Variants in GABRA3 observed in about 807,000 individuals in gnomAD.
GABRA3 encodes the protein gamma-aminobutyric acid type A receptor subunit alpha3, also known as gamma-aminobutyric acid receptor subunit alpha-3.
In GABRA3, 10 loss-of-function variants were observed where a neutral mutation model predicts 30.1. That is an observed-to-expected ratio of 0.33 (90% CI 0.20 to 0.56). The LOEUF (loss-of-function observed/expected upper bound fraction) is 0.56, where lower values mean the gene tolerates loss of function less well. GABRA3 is among the 20% of genes least tolerant of loss of function. The pLI, the probability that GABRA3 is intolerant of heterozygous loss-of-function variation, is 0.89. For synonymous variants in GABRA3, 151 were observed against 146.8 expected, an observed-to-expected ratio of 1.03 and a Z score of -0.21; for missense variants, 233 against 392.0, an observed-to-expected ratio of 0.59 and a Z score of 3.42.
At position 152,386,484 on chromosome X, in the gene GABRA3, G is replaced by A. The variant is rs1329437226; in HGVS notation, c.-26-21888C>T. Reference sequence around the variant, plus strand: ...CAAACAACCCCATCAAAAAGTGGGCGAAGGACATGAACAGACACTTTCAAA... The same window carrying A: ...CAAACAACCCCATCAAAAAGTGGGCAAAGGACATGAACAGACACTTTCAAA... On this transcript the variant is annotated intron_variant, in intron 1 of 9. Transcript: ENST00000370314. 6.1e-4 allele frequency among the ~76,000 whole-genome samples: 67 copies of A among 110,619 alleles called. 1 individual carries two copies. Among genetic ancestry groups the A allele is most frequent in the Middle Eastern group, 4.6e-3 (1 of 216 alleles).
At chrX:152,182,695 A>ACAC (rs1233185082) in intron 9 of GABRA3, among the ~76,000 whole-genome samples, 33 of 30,246 alleles carry the variant, frequency 1.1e-3, no homozygotes, top group East Asian at 1.7e-3. Flanking sequence ...CTATATATGT[A>ACAC]TATATAGTGT....
rs181309984 is a variant in GABRA3 at position 152,217,037 on chromosome X, T to C, written c.634+7726A>G. Among the ~76,000 whole-genome samples, 50 of 111,223 alleles carry C rather than the reference T, an allele frequency of 4.5e-4. 1 individual carries two copies. Among genetic ancestry groups the C allele is most frequent in the Admixed American group, 4.1e-3 (43 of 10,466 alleles). On this transcript the variant is annotated intron_variant, in intron 6 of 9. Transcript: ENST00000370314. ...TGAGGCTGGTATATATAAAAGCAAA[T>C]GGAAACTGGTACTATATTGGTTTAT...
At chrX:152,293,848 C>T (rs762358089) in intron 3 of GABRA3, among the ~76,000 whole-genome samples, 1 of 111,319 alleles carries the variant, frequency 9.0e-6, no homozygotes, top group Non-Finnish European at 1.9e-5. Context: ...TCAGCATTTG[C>T]CTCTCTGTAA....
chrX:152,445,795 C>G (rs1239090955), intron 1 of GABRA3, among the ~76,000 whole-genome samples: 1 of 111,793 alleles, frequency 8.9e-6, no homozygotes, highest in African/African-American at 3.3e-5. Context: ...GTTATGGAAA[C>G]AGGCTCCAAC....
At chrX:152,339,222 A>G (rs1940278402) in intron 3 of GABRA3, among the ~76,000 whole-genome samples, 1 of 109,528 alleles carries the variant, frequency 9.1e-6, no homozygotes, top group African/African-American at 3.3e-5. Context: ...ACACCCTATT[A>G]TGTTGTAATT....
intron 1 of GABRA3, among the ~76,000 whole-genome samples, chrX:152,379,626 T>C (rs1929088024): frequency 9.0e-6 from 1 of 111,543 alleles, no homozygotes; most frequent in African/African-American, 3.3e-5. Context: ...GAAAATAACA[T>C]AATAGATATT....
rs1231282564 is a variant in GABRA3 at position 152,212,313 on chromosome X, AAAAAAAAAAAAAAAAAAAT to A, written c.635-4188_635-4170del. On this transcript the variant is annotated intron_variant, in intron 6 of 9. Coordinates refer to ENST00000370314, the MANE Select transcript of GABRA3 (RefSeq NM_000808.4). ...AAAAAAAAAAAAAAAAAAAAAAAAAAAAAAAAAAAAAAAAAAAATTCCAAATTGCCTACCCTAAGAACTA... is the reference window on the plus strand; with the variant it reads ...AAAAAAAAAAAAAAAAAAAAAAAAAATCCAAATTGCCTACCCTAAGAACTA... 2.4e-4 allele frequency among the ~76,000 whole-genome samples: 19 copies of A among 79,879 alleles called. 2 individuals are homozygous for A. Among genetic ancestry groups the A allele is most frequent in the Middle Eastern group, 6.7e-3 (1 of 150 alleles). The allele number at this position is 79,879 out of a possible 115,157, so 69.4% of individuals were successfully genotyped here. A position where few individuals can be genotyped will look rare whatever the true frequency, so the allele number is the denominator to read the frequency against.
intron 5 of GABRA3, among the ~76,000 whole-genome samples, chrX:152,238,473 GC>G (rs1938278567): frequency 9.4e-6 from 1 of 106,883 alleles, no homozygotes; most frequent in African/African-American, 3.4e-5. Flanking sequence ...TTGTGTCTCT[GC>G]CCGGCTTTGG....
intron 4 of GABRA3, among the ~76,000 whole-genome samples, chrX:152,268,280 G>C (rs1013608109): frequency 9.0e-6 from 1 of 111,673 alleles, no homozygotes; most frequent in African/African-American, 3.3e-5. Context: ...ATAATTCCAT[G>C]TCATGGGAGG....
chrX:152,367,915 T>C (rs1343312925), intron 1 of GABRA3, among the ~76,000 whole-genome samples: 2 of 111,989 alleles, frequency 1.8e-5, no homozygotes, highest in Admixed American at 1.9e-4. Context: ...TCATTGGCAT[T>C]CCATTCAAAA....
At chrX:152,226,872 G>C (rs2124383579) in intron 5 of GABRA3, among the ~76,000 whole-genome samples, 1 of 111,934 alleles carries the variant, frequency 8.9e-6, no homozygotes, top group East Asian at 2.8e-4. Context: ...TCATTAAAAA[G>C]TCAGGAAACA....
chrX:152,180,136 A>G (rs1419110145), intron 9 of GABRA3, among the ~76,000 whole-genome samples: 1 of 112,064 alleles, frequency 8.9e-6, no homozygotes, highest in Admixed American at 9.5e-5. Flanking sequence ...AGGAACCTCC[A>G]TACTAGCTTT....
intron 3 of GABRA3, among the ~76,000 whole-genome samples, chrX:152,286,778 T>C (rs13441023): frequency 0.078 from 8,732 of 111,556 alleles, 720 homozygotes; most frequent in African/African-American, 0.24. Context: ...AGACTATGAG[T>C]ATCATTTAAT....
chrX:152,223,607 G>A (rs772265121), intron 6 of GABRA3, among the ~76,000 whole-genome samples: 3 of 108,553 alleles, frequency 2.8e-5, no homozygotes, highest in South Asian at 8.2e-4. Flanking sequence ...TCAGACATAC[G>A]GTATTTTTCC....
At chrX:152,341,963 C>A (rs1940321031) in intron 3 of GABRA3, among the ~76,000 whole-genome samples, 2 of 111,388 alleles carry the variant, frequency 1.8e-5, no homozygotes, top group African/African-American at 3.3e-5. Context: ...ACCTCCGTCT[C>A]CCGGATTCAA....
chrX:152,232,372 A>G (rs1251128871), intron 5 of GABRA3, among the ~76,000 whole-genome samples: 1 of 109,849 alleles, frequency 9.1e-6, no homozygotes, highest in Non-Finnish European at 1.9e-5. Context: ...CGAATAATGT[A>G]TATTGTGCCA....
intron 3 of GABRA3, among the ~76,000 whole-genome samples, chrX:152,339,815 TCTA>T (rs756431439): frequency 8.9e-6 from 1 of 111,979 alleles, no homozygotes; most frequent in South Asian, 3.7e-4. Flanking sequence ...TGCTCTCATG[TCTA>T]CTTTTTCTGA....
At chrX:152,447,819 C>A (rs1197866839) in intron 1 of GABRA3, among the ~76,000 whole-genome samples, 1 of 111,578 alleles carries the variant, frequency 9.0e-6, no homozygotes, top group African/African-American at 3.3e-5. Context: ...CTAATTTGGG[C>A]CTCTTAAATT....
intron 3 of GABRA3, among the ~76,000 whole-genome samples, chrX:152,339,929 T>C (rs1432245214): frequency 1.8e-5 from 2 of 112,021 alleles, no homozygotes; most frequent in Non-Finnish European, 3.8e-5. Flanking sequence ...ATATTTAAAG[T>C]GCATTTCTCT....
Sources: gnomAD v4.1 joint callset for allele counts (sites outside exome capture counted in the v4.1 genomes callset) on GRCh38, gnomAD v4.1.1 for gene constraint, MANE v1.5 for transcripts, NCBI Gene and HGNC (gene_info 2026-07-23, HGNC 2026-07-21) for gene names.